Variants in RRM2B observed in about 807,000 individuals in gnomAD.
RRM2B encodes ribonucleoside-diphosphate reductase subunit M2 B.
In RRM2B, 20 loss-of-function variants were observed where a neutral mutation model predicts 45.9. That is an observed-to-expected ratio of 0.44 (90% CI 0.31 to 0.63). The LOEUF (loss-of-function observed/expected upper bound fraction) is 0.63. Ranked by LOEUF, RRM2B falls within the 30% of genes least tolerant of loss-of-function variation. The probability of loss-of-function intolerance (pLI) is 0.09; values close to 1 mark genes in which losing one functional copy is unlikely to be tolerated. For missense variants in RRM2B, 320 were observed against 414.7 expected (o/e 0.77, Z 1.98); for synonymous variants, 124 against 132.3 (o/e 0.94, Z 0.43).
At chr8:102,210,840 T>C (rs907097538) in intron 8 of RRM2B, among the ~76,000 whole-genome samples, 3 of 151,616 alleles carry the variant, frequency 2.0e-5, no homozygotes, top group Non-Finnish European at 2.9e-5. Flanking sequence ...GGTCGAGCAA[T>C]CCTCCTGCCT....
chr8:102,228,784 G>A (rs990423814), intron 2 of RRM2B, among the ~76,000 whole-genome samples: 7 of 152,188 alleles, frequency 4.6e-5, no homozygotes, highest in African/African-American at 1.7e-4. Flanking sequence ...CCCTGCCAGC[G>A]CCAAAGCAGC....
chr8:102,228,288 T>C (rs1810969223), intron 2 of RRM2B, among the ~76,000 whole-genome samples: 1 of 152,096 alleles, frequency 6.6e-6, no homozygotes, highest in Non-Finnish European at 1.5e-5. Context: ...CCAGACAGAC[T>C]CCAGGAGAAG....
intron 2 of RRM2B, 137 bp downstream of exon 2, chr8:102,232,012 A>T: frequency 1.2e-6 from 1 of 815,216 alleles, no homozygotes; most frequent in Non-Finnish European, 2.1e-6. Flanking sequence ...CATCATATTT[A>T]GTCTCAGTAA....
Position 102,232,176 on chromosome 8 carries a change from T to C in RRM2B, c.177A>G (p.Ala59=), listed in dbSNP as rs1216814885. 2 of 1,614,210 alleles carry C rather than the reference T, an allele frequency of 1.2e-6. No homozygotes were observed. Among genetic ancestry groups the C allele is most frequent in the Non-Finnish European group, 8.5e-7 (1 of 1,180,022 alleles). Reference sequence around the variant, plus strand: ...CTTCTGCTGTCCAGAAGGAAGCCTGTGCCTGTTTATACATTTTCCAAATAT... The same window carrying C: ...CTTCTGCTGTCCAGAAGGAAGCCTGCGCCTGTTTATACATTTTCCAAATAT... The part of the protein sequence containing the change: ...YPDIWKMYKQ[A]QASFWTAEEV... The change falls in exon 2 of 9, where the codon GCA becomes GCG. Residue 59 remains alanine (A), a synonymous_variant. Coordinates refer to ENST00000251810, the MANE Select transcript of RRM2B (RefSeq NM_015713.5).
rs546808337 is a variant in RRM2B at position 102,238,865 on chromosome 8, G to C, written c.10C>G (p.Pro4Ala). Reference sequence around the variant, plus strand: ...AGCCCGGCCGCTTCCGGCCTTTCCGGGTCGCCCATCGCGCAGACTCCGCCG... The same window carrying C: ...AGCCCGGCCGCTTCCGGCCTTTCCGCGTCGCCCATCGCGCAGACTCCGCCG... Reference protein sequence around the residue: MGDPERPEAAGLDQ... With the variant: MGDAERPEAAGLDQ... Residue 4 changes from proline to alanine, a missense_variant, in exon 1 of 9, where the codon CCG becomes GCG. Pro to Ala is a conservative substitution (Grantham distance 27). Coordinates refer to ENST00000251810, the MANE Select transcript of RRM2B (RefSeq NM_015713.5). 3 of 1,612,348 alleles carry C rather than the reference G, an allele frequency of 1.9e-6. No individual in the cohort carries two copies. The highest frequency in any genetic ancestry group is 1.7e-5 in the Admixed American group (1 of 60,006).
rs976598781 is a variant in RRM2B at position 102,205,486 on chromosome 8, T to C, written c.*2647A>G. 3.3e-5 allele frequency: 5 copies of C among 152,300 alleles called. No individual in the cohort carries two copies. The highest frequency in any genetic ancestry group is 2.6e-4 in the Admixed American group (4 of 15,298). The allele number at this position is 152,300 out of a possible 1,614,324, so 9.4% of individuals were successfully genotyped here. The stretch of plus-strand genomic sequence containing the variant: ...TAAGAAAAACTATTATTGTATATAA[T>C]TGGACAGCAAAACCCAGTCCTGTCT... On this transcript the variant is annotated 3_prime_UTR_variant, in exon 9 of 9. Transcript: ENST00000251810.
Position 102,218,892 on chromosome 8 carries a change from A to G in RRM2B, c.606T>C (p.Phe202=), listed in dbSNP as rs515726194. ...AVEGVFFSGS[F]AAIFWLKKRG... ...TCTTCTTTAGCCAGAATATAGCAGCAAAAGATCCTGAGAAGAAAACTCCTT... is the reference window on the plus strand; with the variant it reads ...TCTTCTTTAGCCAGAATATAGCAGCGAAAGATCCTGAGAAGAAAACTCCTT... Residue 202 remains phenylalanine, a synonymous_variant, in exon 6 of 9, where the codon TTT becomes TTC. Transcript: ENST00000251810. 1.1e-5 allele frequency: 17 copies of G among 1,613,780 alleles called. No homozygotes were observed. Among genetic ancestry groups the G allele is most frequent in the Non-Finnish European group, 1.4e-5 (17 of 1,179,652 alleles).
chr8:102,232,020 T>C (rs2132562238), intron 2 of RRM2B, 129 bp downstream of exon 2: 4 of 892,536 alleles, frequency 4.5e-6, no homozygotes, highest in African/African-American at 1.6e-5. Flanking sequence ...TTAGTCTCAG[T>C]AATTCCAACA....
intron 6 of RRM2B, 51 bp from the exon 7 acceptor site, chr8:102,214,209 G>T: frequency 8.0e-7 from 1 of 1,247,320 alleles, no homozygotes; most frequent in Non-Finnish European, 1.2e-6. Flanking sequence ...TCAGCTATTT[G>T]CATATGGTGA....
In RRM2B at chr8:102,207,832, C is replaced by A. The variant is rs1810570158; in HGVS notation, c.*301G>T. 2 of 263,268 alleles carry A rather than the reference C, an allele frequency of 7.6e-6. No individual in the cohort carries two copies. The highest frequency in any genetic ancestry group is 4.5e-5 in the African/African-American group (2 of 44,570). 16.3% of individuals were successfully genotyped at this position (263,268 alleles called of 1,614,324 possible). ...AGGTTTACCAAGATTAACTGACTTGCCAAGGGTCACACACTGGAGTAAGGG... is the reference window on the plus strand; with the variant it reads ...AGGTTTACCAAGATTAACTGACTTGACAAGGGTCACACACTGGAGTAAGGG... On this transcript the variant is annotated 3_prime_UTR_variant, in exon 9 of 9. Coordinates refer to ENST00000251810, the MANE Select transcript of RRM2B (RefSeq NM_015713.5).
chr8:102,208,161 T>A lies in RRM2B; in HGVS notation c.1028A>T (p.Asn343Ile). 2.5e-6 allele frequency: 4 copies of A among 1,613,642 alleles called. No individual in the cohort carries two copies. The highest frequency in any genetic ancestry group is 3.4e-6 in the Non-Finnish European group (4 of 1,179,654). The change falls in exon 9 of 9, where the codon AAC (asparagine) becomes ATC (isoleucine). Residue 343 changes from asparagine (N) to isoleucine (I), a missense_variant. Physicochemically the swap from Asn to Ile is moderately radical, Grantham distance 149 (BLOSUM62 -3). This residue lies in a region of RRM2B where 47 missense variants were observed against 90.0 expected (regional missense o/e 0.52). Coordinates refer to ENST00000251810, the MANE Select transcript of RRM2B (RefSeq NM_015713.5). ...AAAATCTGCATCCAAGGTGAAGACG[T>A]TATCTGTGGTTTCTGCCATAACTGC... ...RFAVMAETTD[N>I]VFTLDADF
At position 102,238,949 on chromosome 8, in the gene RRM2B, C is replaced by CA; in HGVS notation, c.-76dup. ...GGCCACCTCCAACTACGACAGCACC[C>CA]AGGTGGTCCGCTGGTCCGCTGGGTC... On this transcript the variant is annotated 5_prime_UTR_variant, in exon 1 of 9. Coordinates refer to ENST00000251810, the MANE Select transcript of RRM2B (RefSeq NM_015713.5). 6.5e-7 allele frequency: 1 copy of CA among 1,527,516 alleles called. No individual in the cohort carries two copies. Among genetic ancestry groups the CA allele is most frequent in the Non-Finnish European group, 8.9e-7 (1 of 1,117,748 alleles). The allele number at this position is 1,527,516 out of a possible 1,614,324, so 94.6% of individuals were successfully genotyped here.
At chr8:102,214,510 G>A (rs1277986839) in intron 6 of RRM2B, 2 of 260,994 alleles carry the variant, frequency 7.7e-6, no homozygotes, top group Admixed American at 4.9e-5. Flanking sequence ...AATAATTAAG[G>A]AATGATTGAA....
In RRM2B at chr8:102,224,121, T is replaced by C. The variant is rs863224190; in HGVS notation, c.475A>G (p.Ile159Val). ...PKKREFLFNA[I>V]ETMPYVKKKA... ...TTCTTAACATAGGGCATGGTTTCAA[T>C]TGCATTAAATAAAAATTCCCTGTAA... is the stretch of plus-strand genomic sequence containing the variant. The change falls in exon 5 of 9, where the codon ATT (isoleucine) becomes GTT (valine). Residue 159 changes from isoleucine to valine, a missense_variant. Ile to Val is a conservative substitution (Grantham distance 29). Transcript: ENST00000251810. 14 of 1,609,386 alleles carry C rather than the reference T, an allele frequency of 8.7e-6. 1 individual carries two copies. The Middle Eastern group carries it at 1.7e-3, about 190-fold the overall frequency.
chr8:102,228,976 C>G, intron 2 of RRM2B, among the ~76,000 whole-genome samples: 1 of 152,238 alleles, frequency 6.6e-6, no homozygotes, highest in Non-Finnish European at 1.5e-5. Context: ...AAACCCTCGG[C>G]TGGGCACGGT....
Position 102,238,897 on chromosome 8 carries a change from C to T in RRM2B, c.-23G>A. ...CATCGCGCAGACTCCGCCGAAGCTA[C>T]GGGCGCTGAGGGAACTGAGCTCCTC... On this transcript the variant is annotated 5_prime_UTR_variant, in exon 1 of 9. Transcript: ENST00000251810. 2 of 1,608,544 alleles carry T rather than the reference C, an allele frequency of 1.2e-6. No homozygotes were observed. Among genetic ancestry groups the T allele is most frequent in the Non-Finnish European group, 8.5e-7 (1 of 1,179,730 alleles).
In RRM2B at chr8:102,205,839, T is replaced by C. The variant is rs946666638; in HGVS notation, c.*2294A>G. On this transcript the variant is annotated 3_prime_UTR_variant, in exon 9 of 9. Transcript: ENST00000251810. ...TGGAGGCCTGGAAAAAGAGATAGAA[T>C]ACCAAATAACAAACCAGTGCATTAA... The C allele has an allele frequency of 2.0e-5, 3 of 152,100 alleles. No individual in the cohort carries two copies. The highest frequency in any genetic ancestry group is 6.5e-5 in the Admixed American group (1 of 15,274). The allele number at this position is 152,100 out of a possible 1,614,324, so 9.4% of individuals were successfully genotyped here.
chr8:102,226,097 A>G (rs1387381675), intron 2 of RRM2B, 63 bp from the exon 3 acceptor site: 2 of 961,828 alleles, frequency 2.1e-6, no homozygotes, highest in East Asian at 4.8e-5. Context: ...AGTGTTTGGG[A>G]AACTAACTTC....
At position 102,207,760 on chromosome 8, in the gene RRM2B, T is replaced by C. The variant is rs1055112585; in HGVS notation, c.*373A>G. ...CATCCTAATCCTAATATCCACTCTA[T>C]GAATTTAGGACCTACTATTACTCCC... On this transcript the variant is annotated 3_prime_UTR_variant, in exon 9 of 9. Coordinates refer to ENST00000251810, the MANE Select transcript of RRM2B (RefSeq NM_015713.5). 1 of 176,290 alleles carries C rather than the reference T, an allele frequency of 5.7e-6. No homozygotes were observed. Among genetic ancestry groups the C allele is most frequent in the Admixed American group, 5.5e-5 (1 of 18,222 alleles). 10.9% of individuals were successfully genotyped at this position (176,290 alleles called of 1,614,324 possible).
Sources: gnomAD v4.1 joint callset for allele counts (sites outside exome capture counted in the v4.1 genomes callset) on GRCh38, gnomAD v4.1.1 for gene constraint, gnomAD v4.1.1 regional missense constraint, MANE v1.5 for transcripts, NCBI Gene and HGNC (gene_info 2026-07-23, HGNC 2026-07-21) for gene names.